MEMO1: variants seen among roughly 807,000 people sequenced by gnomAD.
MEMO1 encodes the protein protein MEMO1.
In MEMO1, 6 loss-of-function variants were observed where a neutral mutation model predicts 45.2. That is an observed-to-expected ratio of 0.13 (90% CI 0.07 to 0.26). MEMO1 has a LOEUF of 0.26. Ranked by LOEUF, MEMO1 falls within the 10% of genes least tolerant of loss-of-function variation. The pLI, the probability that MEMO1 is intolerant of heterozygous loss-of-function variation, is 1.00. For synonymous variants in MEMO1, 78 were observed against 124.3 expected (o/e 0.63, Z 2.48); for missense variants, 184 against 370.5 (o/e 0.50, Z 4.13).
chr2:31,922,297 A>G (rs1312196746), intron 4 of MEMO1, among the ~76,000 whole-genome samples: 1 of 151,756 alleles, frequency 6.6e-6, no homozygotes, highest in Non-Finnish European at 1.5e-5. Flanking sequence ...TACTTCATAA[A>G]TTGCAGGGAG....
At chr2:31,886,538 T>A (rs1676222415) in intron 7 of MEMO1, among the ~76,000 whole-genome samples, 1 of 152,158 alleles carries the variant, frequency 6.6e-6, no homozygotes, top group Admixed American at 6.5e-5. Flanking sequence ...AAGAAAATTA[T>A]AGCACAAGTA....
rs576133680 is a variant in MEMO1, at chr2:31,959,658, C to CA, written c.62-16276dup. On this transcript the variant is annotated intron_variant, in intron 2 of 9. Coordinates refer to ENST00000404530, the MANE Select transcript of MEMO1 (RefSeq NM_001301833.4). ...TGGAGAAAGCAAATGAAAACTACTC[C>CA]AAAAAAAAATGAAGGTAGTTAAACT... is the stretch of plus-strand genomic sequence containing the variant. Among the ~76,000 whole-genome samples the CA allele has an allele frequency of 4.7e-5, 7 of 149,846 alleles. No homozygotes were observed. In the South Asian group the frequency reaches 1.0e-3, roughly 22 times the overall value.
intron 3 of MEMO1, among the ~76,000 whole-genome samples, chr2:31,942,326 TAAA>T: frequency 6.6e-6 from 1 of 152,212 alleles, no homozygotes; most frequent in East Asian, 1.9e-4. Context: ...CATTATAAAT[TAAA>T]AATCATCGGG....
intron 2 of MEMO1, among the ~76,000 whole-genome samples, chr2:31,965,965 TAATAA>T (rs1668567712): frequency 1.3e-5 from 2 of 152,310 alleles, no homozygotes; most frequent in South Asian, 4.1e-4. Flanking sequence ...TTAGAACTTA[TAATAA>T]AATAAAATTA....
chr2:32,009,986 G>GC (rs1674633432), intron 2 of MEMO1, among the ~76,000 whole-genome samples: 1 of 150,540 alleles, frequency 6.6e-6, no homozygotes, highest in Non-Finnish European at 1.5e-5. Flanking sequence ...GGCTGCCGGC[G>GC]CGGGATGCCC....
chr2:31,877,614 A>T (rs1674740713), intron 8 of MEMO1, among the ~76,000 whole-genome samples: 1 of 152,348 alleles, frequency 6.6e-6, no homozygotes, highest in Admixed American at 6.5e-5. Context: ...AAGTTTACTA[A>T]GAATTGTTCA....
Position 31,985,360 on chromosome 2 carries a change from T to C in MEMO1, c.61+24827A>G, listed in dbSNP as rs143593714. Among the ~76,000 whole-genome samples, 1,131 of 152,366 alleles carry C rather than the reference T, an allele frequency of 7.4e-3. 11 individuals carry two copies. The highest frequency in any genetic ancestry group is 0.026 in the African/African-American group (1,089 of 41,588). On this transcript the variant is annotated intron_variant, in intron 2 of 9. Transcript: ENST00000404530. ...TTTATTTATCGAGATGGAGTCTCGC[T>C]CTGTCACCAGGCTGGAGTGCAGTGG...
chr2:31,998,142 T>C (rs1227468066), intron 2 of MEMO1, among the ~76,000 whole-genome samples: 2 of 152,098 alleles, frequency 1.3e-5, no homozygotes, highest in African/African-American at 4.8e-5. Flanking sequence ...CTCCACAGTA[T>C]ATGGGACTAT....
chr2:31,899,993 C>T (rs1191942735), intron 6 of MEMO1, among the ~76,000 whole-genome samples: 1 of 152,168 alleles, frequency 6.6e-6, no homozygotes, highest in Non-Finnish European at 1.5e-5. Flanking sequence ...CCATCTCACA[C>T]CAGTTAGAAT....
At position 31,964,062 on chromosome 2, in the gene MEMO1, T is replaced by C. The variant is rs563220410; in HGVS notation, c.62-20679A>G. 3.3e-5 allele frequency among the ~76,000 whole-genome samples: 5 copies of C among 152,308 alleles called. No individual in the cohort carries two copies. The South Asian group carries it at 6.2e-4, about 19-fold the overall frequency. ...TTTAAAAAAGTATATATGGAAAAAT[T>C]CAAATTATATATGGCTTAAATTTAT... On this transcript the variant is annotated intron_variant, in intron 2 of 9. Coordinates refer to ENST00000404530, the MANE Select transcript of MEMO1 (RefSeq NM_001301833.4).
chr2:31,930,121 A>G (rs547161730), intron 4 of MEMO1, among the ~76,000 whole-genome samples: 1 of 152,254 alleles, frequency 6.6e-6, no homozygotes, highest in African/African-American at 2.4e-5. Flanking sequence ...AAATTAACTC[A>G]GTGTGGTGGC....
intron 2 of MEMO1, among the ~76,000 whole-genome samples, chr2:31,970,704 T>C (rs760267102): frequency 6.6e-6 from 1 of 151,550 alleles, no homozygotes; most frequent in Non-Finnish European, 1.5e-5. Context: ...TTAACAACAT[T>C]GCAGGTTCAA....
Position 31,986,451 on chromosome 2 carries a change from G to A in MEMO1, c.61+23736C>T, listed in dbSNP as rs144835257. Among the ~76,000 whole-genome samples the A allele has an allele frequency of 2.2e-4, 34 of 152,200 alleles. No homozygotes were observed. The East Asian group carries it at 4.6e-3, about 21-fold the overall frequency. On this transcript the variant is annotated intron_variant, in intron 2 of 9. Transcript: ENST00000404530. ...TGCGCCACTGCACTGCAGCCTGAGC[G>A]AAAGTGTGAGACACTGTCTCAAAAA...
chr2:31,956,130 T>A (rs1572802255), intron 2 of MEMO1, among the ~76,000 whole-genome samples: 1 of 152,202 alleles, frequency 6.6e-6, no homozygotes, highest in Non-Finnish European at 1.5e-5. Context: ...GAAATGATTA[T>A]TTCCTTCCAA....
intron 2 of MEMO1, among the ~76,000 whole-genome samples, chr2:31,959,762 C>A (rs532479009): frequency 1.7e-5 from 2 of 120,046 alleles, no homozygotes; most frequent in South Asian, 3.3e-4. Flanking sequence ...TTATGAAACA[C>A]AACCTTGGGC....
At chr2:31,929,143 A>G (rs1332763407) in intron 4 of MEMO1, among the ~76,000 whole-genome samples, 1 of 152,130 alleles carries the variant, frequency 6.6e-6, no homozygotes, top group African/African-American at 2.4e-5. Context: ...CAAACTGTTC[A>G]TTTAAATTGG....
Position 31,936,089 on chromosome 2 carries a change from G to A in MEMO1, c.144-3954C>T, listed in dbSNP as rs184413766. Among the ~76,000 whole-genome samples the A allele has an allele frequency of 1.2e-4, 18 of 151,598 alleles. No homozygotes were observed. In the Middle Eastern group the frequency reaches 0.014, roughly 115 times the overall value. The stretch of plus-strand genomic sequence containing the variant: ...AGCGATTCTCCTGCCTCAGCCTCCC[G>A]AGTAGCTGGGACTACAGGCATCCGT... On this transcript the variant is annotated intron_variant, in intron 3 of 9. Coordinates refer to ENST00000404530, the MANE Select transcript of MEMO1 (RefSeq NM_001301833.4).
intron 2 of MEMO1, among the ~76,000 whole-genome samples, chr2:31,952,547 G>T (rs981577926): frequency 6.6e-6 from 1 of 152,102 alleles, no homozygotes; most frequent in African/African-American, 2.4e-5. Flanking sequence ...GTTTAGCACT[G>T]ATTCCTGTAA....
intron 6 of MEMO1, 33 bp downstream of exon 6, chr2:31,917,893 T>C (rs774312351): frequency 1.4e-5 from 19 of 1,405,490 alleles, no homozygotes; most frequent in Non-Finnish European, 1.8e-5. Flanking sequence ...ATGTCTATGA[T>C]TTCCTGGGGA....
Sources: allele counts gnomAD v4.1 joint callset (sites outside exome capture counted in the v4.1 genomes callset), GRCh38; gene constraint gnomAD v4.1.1; transcripts MANE v1.5; gene names NCBI Gene and HGNC (gene_info 2026-07-23, HGNC 2026-07-21).